Variants in DNM3 observed in about 807,000 individuals in gnomAD.
DNM3 encodes the protein dynamin-3.
Under a neutral mutation model 101.6 loss-of-function variants are expected in DNM3, and 47 were observed. That is an observed-to-expected ratio of 0.46 (90% CI 0.37 to 0.59). DNM3 has a LOEUF of 0.59. Among genes scored for constraint, DNM3 ranks in the 20% least tolerant of loss-of-function variants. The pLI is 0.00. For missense variants in DNM3, 849 were observed against 1,085.7 expected (o/e 0.78, Z 3.06); for synonymous variants, 385 against 387.9 (o/e 0.99, Z 0.09).
chr1:171,894,001 T>G (rs2037532642), intron 1 of DNM3, among the ~76,000 whole-genome samples: 1 of 152,110 alleles, frequency 6.6e-6, no homozygotes, highest in African/African-American at 2.4e-5. Context: ...TTTTTGTATT[T>G]TTAGTAGAGA....
intron 4 of DNM3, among the ~76,000 whole-genome samples, chr1:172,027,318 C>A (rs138338376): frequency 1.3e-5 from 2 of 151,946 alleles, no homozygotes; most frequent in African/African-American, 4.8e-5. Context: ...GGCACAGTAG[C>A]TCACACCTGT....
At chr1:172,120,157 G>A (rs1031082050) in intron 13 of DNM3, among the ~76,000 whole-genome samples, 1 of 152,174 alleles carries the variant, frequency 6.6e-6, no homozygotes, top group Non-Finnish European at 1.5e-5. Flanking sequence ...AGAAAAAGAG[G>A]TTTAATGGAC....
intron 1 of DNM3, among the ~76,000 whole-genome samples, chr1:171,851,003 G>C (rs997032340): frequency 6.6e-6 from 1 of 152,148 alleles, no homozygotes; most frequent in East Asian, 1.9e-4. Flanking sequence ...CCTGCTCCCT[G>C]TGGCAGGTGG....
intron 4 of DNM3, among the ~76,000 whole-genome samples, chr1:172,020,886 A>C (rs1324853529): frequency 6.6e-6 from 1 of 151,912 alleles, no homozygotes; most frequent in Non-Finnish European, 1.5e-5. Flanking sequence ...AAGCTCATCC[A>C]CTCTGAGCCT....
At chr1:172,090,360 T>C (rs1195171890) in intron 12 of DNM3, among the ~76,000 whole-genome samples, 3 of 152,112 alleles carry the variant, frequency 2.0e-5, no homozygotes, top group African/African-American at 7.2e-5. Context: ...CCGAAGCCCT[T>C]AGGAGAGTGC....
At chr1:172,151,877 G>A (rs192482513) in intron 14 of DNM3, among the ~76,000 whole-genome samples, 162 of 152,052 alleles carry the variant, frequency 1.1e-3, no homozygotes, top group African/African-American at 3.2e-3. Flanking sequence ...TGGTATAAAA[G>A]GAGTCTTTGT....
intron 11 of DNM3, among the ~76,000 whole-genome samples, chr1:172,080,871 T>C (rs539492278): frequency 1.8e-4 from 28 of 152,274 alleles, no homozygotes; most frequent in Middle Eastern, 6.8e-3. Flanking sequence ...TTCCCTTGGC[T>C]AGGGGAGGGA....
intron 2 of DNM3, among the ~76,000 whole-genome samples, chr1:171,923,571 C>T (rs982038386): frequency 2.0e-5 from 3 of 151,732 alleles, no homozygotes; most frequent in Non-Finnish European, 4.4e-5. Context: ...ATCTAAGAAT[C>T]CTTTGCCAAA....
At chr1:172,039,236 G>A (rs1042563642) in intron 7 of DNM3, among the ~76,000 whole-genome samples, 8 of 152,026 alleles carry the variant, frequency 5.3e-5, no homozygotes, top group African/African-American at 1.9e-4. Context: ...AGCACACACT[G>A]CAGGATACCC....
In DNM3 at chr1:171,886,017, CCT is replaced by C. The variant is rs1193967027; in HGVS notation, c.162-35730_162-35729del. Among the ~76,000 whole-genome samples the C allele has an allele frequency of 2.6e-5, 4 of 152,174 alleles. No homozygotes were observed. In the East Asian group the frequency reaches 5.8e-4, roughly 22 times the overall value. On this transcript the variant is annotated intron_variant, in intron 1 of 20. Transcript: ENST00000627582. ...ACCGGACTGTCAAGATTGGGGGTGG[CCT>C]GATTAGGGATCTCATAAGGCTGTTG...
chr1:171,887,628 T>A (rs946877140), intron 1 of DNM3, among the ~76,000 whole-genome samples: 31 of 152,264 alleles, frequency 2.0e-4, no homozygotes, highest in South Asian at 6.2e-4. Context: ...TAATTTATTT[T>A]TTTTTGTTTA....
At chr1:172,394,566 C>T (rs935653232) in intron 20 of DNM3, among the ~76,000 whole-genome samples, 2 of 152,224 alleles carry the variant, frequency 1.3e-5, no homozygotes, top group South Asian at 4.1e-4. Flanking sequence ...ACTGCTTCCA[C>T]ATCCCATGAC....
chr1:172,254,826 G>A (rs1244870903), intron 15 of DNM3, among the ~76,000 whole-genome samples: 1 of 152,060 alleles, frequency 6.6e-6, no homozygotes, highest in Admixed American at 6.6e-5. Context: ...AACTAGGAAA[G>A]GATAATAAAG....
At chr1:172,219,274 A>G (rs2060816029) in intron 14 of DNM3, among the ~76,000 whole-genome samples, 1 of 150,114 alleles carries the variant, frequency 6.7e-6, no homozygotes, top group African/African-American at 2.5e-5. Context: ...ATGTGAGAAG[A>G]TCGCTTGAAC....
intron 17 of DNM3, among the ~76,000 whole-genome samples, chr1:172,377,044 G>A (rs1364428004): frequency 2.0e-5 from 3 of 151,974 alleles, no homozygotes; most frequent in African/African-American, 4.8e-5. Context: ...CGAGGTGAAT[G>A]TAACAAGTTA....
chr1:172,299,105 G>C lies in DNM3; in HGVS notation c.1770-9623G>C, dbSNP rs116665944. Among the ~76,000 whole-genome samples the C allele has an allele frequency of 5.4e-3, 825 of 152,292 alleles. 12 individuals carry two copies. Among genetic ancestry groups the C allele is most frequent in the African/African-American group, 0.019 (779 of 41,564 alleles). ...ATAGAGTAGGAATTAACTGTGCAAA[G>C]AGAGATGGAAAGACAGCTGCAGGCA... On this transcript the variant is annotated intron_variant, in intron 15 of 20. Transcript: ENST00000627582.
intron 20 of DNM3, among the ~76,000 whole-genome samples, chr1:172,397,439 C>CT (rs1406358852): frequency 6.6e-6 from 1 of 152,150 alleles, no homozygotes; most frequent in Non-Finnish European, 1.5e-5. Context: ...AATAGTACCA[C>CT]TTAGGACTAA....
At chr1:171,966,961 GT>G (rs1197043089) in intron 2 of DNM3, among the ~76,000 whole-genome samples, 3 of 152,178 alleles carry the variant, frequency 2.0e-5, no homozygotes, top group Non-Finnish European at 4.4e-5. Context: ...AGAGTTAAGA[GT>G]GGTCGAATAG....
chr1:172,110,309 C>T (rs771657178), intron 13 of DNM3, among the ~76,000 whole-genome samples: 1 of 152,188 alleles, frequency 6.6e-6, no homozygotes, highest in Non-Finnish European at 1.5e-5. Flanking sequence ...TTTCAGTCCT[C>T]AACTGCATGT....
Sources: gnomAD v4.1 joint callset for allele counts (sites outside exome capture counted in the v4.1 genomes callset) on GRCh38, gnomAD v4.1.1 for gene constraint, MANE v1.5 for transcripts, NCBI Gene and HGNC (gene_info 2026-07-23, HGNC 2026-07-21) for gene names.